Variants in RARB observed in about 807,000 individuals in gnomAD.
RARB encodes retinoic acid receptor beta, also known as HBV-activated protein.
Under a neutral mutation model 51.9 loss-of-function variants are expected in RARB, and 17 were observed. The observed-to-expected ratio is 0.33, with a 90% confidence interval of 0.22 to 0.49. The LOEUF is 0.49. RARB is among the 20% of genes least tolerant of loss of function. RARB has a pLI of 0.99. For missense variants in RARB, 369 were observed against 550.8 expected, an observed-to-expected ratio of 0.67 and a Z score of 3.30; for synonymous variants, 215 against 195.4, an observed-to-expected ratio of 1.10 and a Z score of -0.84.
At chr3:25,256,955 C>T (rs1193572661) in intron 5 of RARB, among the ~76,000 whole-genome samples, 1 of 152,074 alleles carries the variant, frequency 6.6e-6, no homozygotes, top group Non-Finnish European at 1.5e-5. Flanking sequence ...TAGCTTTGTG[C>T]TTGACATGCT....
Position 25,464,169 on chromosome 3 carries a change from T to A in RARB, c.306+2828T>A, listed in dbSNP as rs73820495. On this transcript the variant is annotated intron_variant, in intron 2 of 7. Coordinates refer to ENST00000330688, the MANE Select transcript of RARB (RefSeq NM_000965.5). ...GTCATCTCATGTCCAGAAATCTGAG[T>A]GAGGTATGCTGTAACTCAGCGTACC... Among the ~76,000 whole-genome samples, 793 of 152,272 alleles carry A rather than the reference T, an allele frequency of 5.2e-3. 7 individuals are homozygous for A. The highest frequency in any genetic ancestry group is 0.018 in the African/African-American group (757 of 41,548).
At chr3:25,376,745 C>G (rs77188565) in intron 5 of RARB, among the ~76,000 whole-genome samples, 2,330 of 152,306 alleles carry the variant, frequency 0.015, 26 homozygotes, top group East Asian at 0.055. Flanking sequence ...TTGTTTGGCT[C>G]ATTGCATCCA....
intron 3 of RARB, among the ~76,000 whole-genome samples, chr3:25,521,735 C>T (rs1698407998): frequency 6.6e-6 from 1 of 152,144 alleles, no homozygotes; most frequent in East Asian, 1.9e-4. Flanking sequence ...CTGGGTAGTG[C>T]ACGTCTATAA....
At chr3:25,036,797 G>C (rs1698004373) in intron 2 of RARB, among the ~76,000 whole-genome samples, 2 of 152,144 alleles carry the variant, frequency 1.3e-5, no homozygotes, top group Non-Finnish European at 1.5e-5. Flanking sequence ...AAGTGTGCTT[G>C]TTTGCATTCA....
At chr3:25,584,723 A>G (rs1701316460) in intron 5 of RARB, among the ~76,000 whole-genome samples, 1 of 152,102 alleles carries the variant, frequency 6.6e-6, no homozygotes, top group African/African-American at 2.4e-5. Context: ...TTTTGAGCAG[A>G]GGTGTACCAC....
chr3:25,461,117 G>T lies in RARB; in HGVS notation c.158-76G>T. 5 of 1,465,262 alleles carry T rather than the reference G, an allele frequency of 3.4e-6. No individual in the cohort carries two copies. In the South Asian group the frequency reaches 7.0e-5, roughly 20 times the overall value. The allele number at this position is 1,465,262 out of a possible 1,614,324, so 90.8% of individuals were successfully genotyped here. A position where few individuals can be genotyped will look rare whatever the true frequency, so the allele number is the denominator to read the frequency against. ...TGCTGAATTTGGGGCAGAAGCATATGAATTCACTGTTGAAAAAAGTAATGA... is the reference window on the plus strand; with the variant it reads ...TGCTGAATTTGGGGCAGAAGCATATTAATTCACTGTTGAAAAAAGTAATGA... On this transcript the variant is annotated intron_variant, in intron 1 of 7. Coordinates refer to ENST00000330688, the MANE Select transcript of RARB (RefSeq NM_000965.5).
At chr3:25,580,147 G>A (rs1701108966) in intron 4 of RARB, among the ~76,000 whole-genome samples, 1 of 152,206 alleles carries the variant, frequency 6.6e-6, no homozygotes, top group Non-Finnish European at 1.5e-5. Flanking sequence ...GGCCGAGGCG[G>A]GTGAATCATG....
At chr3:25,169,713 C>T (rs1028728655) in intron 4 of RARB, among the ~76,000 whole-genome samples, 8 of 152,018 alleles carry the variant, frequency 5.3e-5, no homozygotes, top group African/African-American at 1.9e-4. Context: ...TTTGGCTGGG[C>T]ACAGTGACTC....
intron 5 of RARB, among the ~76,000 whole-genome samples, chr3:25,313,645 C>A (rs955012521): frequency 3.9e-5 from 6 of 152,184 alleles, no homozygotes; most frequent in Non-Finnish European, 2.9e-5. Context: ...CTGTAAAATT[C>A]ATTTCCTAAG....
intron 4 of RARB, among the ~76,000 whole-genome samples, chr3:25,578,158 G>A (rs184638290): frequency 3.7e-4 from 57 of 152,296 alleles, no homozygotes; most frequent in Non-Finnish European, 6.3e-4. Context: ...CCCCACAGCC[G>A]CCTTCATTAC....
At chr3:25,253,809 T>A (rs1702790481) in intron 5 of RARB, among the ~76,000 whole-genome samples, 1 of 152,152 alleles carries the variant, frequency 6.6e-6, no homozygotes, top group Non-Finnish European at 1.5e-5. Context: ...CCCCTTTCTT[T>A]TCCATCGAGC....
chr3:24,934,435 C>T (rs1302207251), intron 2 of RARB, among the ~76,000 whole-genome samples: 1 of 152,054 alleles, frequency 6.6e-6, no homozygotes, highest in Admixed American at 6.6e-5. Context: ...TTTTGTCTTT[C>T]TGAGTTACAC....
intron 1 of RARB, among the ~76,000 whole-genome samples, chr3:25,436,504 G>T (rs1360830324): frequency 1.3e-5 from 2 of 152,204 alleles, no homozygotes; most frequent in Non-Finnish European, 2.9e-5. Flanking sequence ...TGTGCTTAGA[G>T]ATTATTTATT....
At position 25,023,125 on chromosome 3, in the gene RARB, C is replaced by G. The variant is rs182636075; in HGVS notation, c.-379-37000C>G. ...AGCTTCAGTTCTTTCAGTAAGGAGTCCCCTTTCTGTGGCTACTTGGCCTGC... is the reference window on the plus strand; with the variant it reads ...AGCTTCAGTTCTTTCAGTAAGGAGTGCCCTTTCTGTGGCTACTTGGCCTGC... On this transcript the variant is annotated intron_variant, in intron 2 of 11. Coordinates refer to the RARB transcript ENST00000383772. Among the ~76,000 whole-genome samples the G allele has an allele frequency of 2.1e-3, 318 of 152,248 alleles. 1 individual carries two copies. The highest frequency in any genetic ancestry group is 7.1e-3 in the African/African-American group (294 of 41,554).
In RARB at chr3:25,446,802, C is replaced by CAAAAAA. The variant is rs5847356; in HGVS notation, c.158-14367_158-14362dup. On this transcript the variant is annotated intron_variant, in intron 1 of 7. Coordinates refer to ENST00000330688, the MANE Select transcript of RARB (RefSeq NM_000965.5). ...TGGGTGACAGAGCCAGACTCCGTCT[C>CAAAAAA]AAAAAAAAAAAAAAAAAAAAAAAAA... is the stretch of plus-strand genomic sequence containing the variant. 3.4e-3 allele frequency among the ~76,000 whole-genome samples: 237 copies of CAAAAAA among 69,086 alleles called. 4 individuals carry two copies. Among genetic ancestry groups the CAAAAAA allele is most frequent in the African/African-American group, 0.014 (222 of 15,484 alleles). 45.3% of individuals were successfully genotyped at this position (69,086 alleles called of 152,430 possible).
intron 5 of RARB, among the ~76,000 whole-genome samples, chr3:25,217,914 G>T (rs760795201): frequency 6.6e-6 from 1 of 152,036 alleles, no homozygotes; most frequent in Admixed American, 6.5e-5. Flanking sequence ...TTTAAGAATG[G>T]GGTCATCCAT....
chr3:25,194,049 G>GTA (rs111400433), intron 5 of RARB, among the ~76,000 whole-genome samples: 2,984 of 151,768 alleles, frequency 0.02, 92 homozygotes, highest in African/African-American at 0.067. Context: ...ATCATGGTAT[G>GTA]TATATATATA....
intron 5 of RARB, among the ~76,000 whole-genome samples, chr3:25,320,881 C>T (rs974077833): frequency 6.6e-6 from 1 of 152,204 alleles, no homozygotes; most frequent in African/African-American, 2.4e-5. Context: ...ATGTTCATCA[C>T]TTAATCCCTT....
At chr3:25,558,254 G>T (rs1320031739) in intron 3 of RARB, among the ~76,000 whole-genome samples, 1 of 152,150 alleles carries the variant, frequency 6.6e-6, no homozygotes, top group Non-Finnish European at 1.5e-5. Flanking sequence ...CCACCCCCAA[G>T]TCTGGCTTCC....
Sources: gnomAD v4.1 joint callset for allele counts (sites outside exome capture counted in the v4.1 genomes callset) on GRCh38, gnomAD v4.1.1 for gene constraint, MANE v1.5 for transcripts, NCBI Gene and HGNC (gene_info 2026-07-23, HGNC 2026-07-21) for gene names.